Variants in SGCE observed in about 807,000 individuals in gnomAD.
The protein encoded by SGCE is epsilon-sarcoglycan.
A neutral mutation model predicts 57.8 loss-of-function variants in SGCE; 26 were observed. That is an observed-to-expected ratio of 0.45 (90% CI 0.33 to 0.62). The LOEUF (loss-of-function observed/expected upper bound fraction) is 0.62, where lower values mean the gene tolerates loss of function less well. SGCE is among the 20% of genes least tolerant of loss of function. The pLI, the probability that SGCE is intolerant of heterozygous loss-of-function variation, is 0.02. For synonymous variants in SGCE, 183 were observed against 189.5 expected (o/e 0.97, Z 0.28); for missense variants, 468 against 548.6 (o/e 0.85, Z 1.47).
intron 1 of SGCE, among the ~76,000 whole-genome samples, chr7:94,644,111 A>G (rs927986286): frequency 6.6e-6 from 1 of 152,244 alleles, no homozygotes; most frequent in African/African-American, 2.4e-5. Flanking sequence ...ACACAAAAAC[A>G]AAACATCATA....
chr7:94,630,850 C>T (rs1804590448), intron 1 of SGCE, among the ~76,000 whole-genome samples: 1 of 151,940 alleles, frequency 6.6e-6, no homozygotes, highest in Admixed American at 6.6e-5. Flanking sequence ...AGGCTGCTCA[C>T]TCCAAGCTCA....
intron 1 of SGCE, among the ~76,000 whole-genome samples, chr7:94,635,588 A>C (rs1461415148): frequency 1.3e-5 from 2 of 152,254 alleles, no homozygotes; most frequent in Admixed American, 6.5e-5. Context: ...CTGTCTCTGC[A>C]TCAAAAGAAC....
intron 3 of SGCE, chr7:94,627,998 T>C (rs1804006752): frequency 1.9e-6 from 1 of 525,424 alleles, no homozygotes; most frequent in Non-Finnish European, 3.4e-6. Context: ...TCATTTTTAA[T>C]ATAAAAGCTG....
At chr7:94,654,513 C>T (rs1273203782) in intron 1 of SGCE, among the ~76,000 whole-genome samples, 1 of 152,082 alleles carries the variant, frequency 6.6e-6, no homozygotes, top group Admixed American at 6.5e-5. Flanking sequence ...GGGTGAACAT[C>T]CTAAAGATTA....
chr7:94,590,871 A>C (rs1239690090), intron 9 of SGCE: 1 of 152,196 alleles, frequency 6.6e-6, no homozygotes, highest in Non-Finnish European at 1.5e-5. Context: ...CAAATACAAC[A>C]ATCTAAAGTG....
At chr7:94,621,336 G>A (rs949479560) in intron 4 of SGCE, 5 of 152,184 alleles carry the variant, frequency 3.3e-5, no homozygotes, top group African/African-American at 1.2e-4. Context: ...ACTGCCTGGA[G>A]TAAAGGTGGA....
Position 94,642,936 on chromosome 7 carries a change from G to A in SGCE, c.109+13054C>T, listed in dbSNP as rs560805557. Among the ~76,000 whole-genome samples the A allele has an allele frequency of 9.9e-5, 15 of 152,184 alleles. No homozygotes were observed. The South Asian group carries it at 1.2e-3, about 13-fold the overall frequency. On this transcript the variant is annotated intron_variant, in intron 1 of 10. Coordinates refer to ENST00000648936, the MANE Select transcript of SGCE (RefSeq NM_003919.3). The stretch of plus-strand genomic sequence containing the variant: ...CTATTAATGTGTCTGAAGATTATAG[G>A]GGCTTAATCTTAAAGCATAATGAAG...
chr7:94,629,494 G>A (rs984009031), intron 2 of SGCE: 30 of 445,784 alleles, frequency 6.7e-5, no homozygotes, highest in Non-Finnish European at 1.1e-4. Context: ...TAAAACTCAA[G>A]ACTGAGAATC....
chr7:94,630,188 A>C (rs1804467912), intron 1 of SGCE, among the ~76,000 whole-genome samples: 1 of 151,862 alleles, frequency 6.6e-6, no homozygotes, highest in Non-Finnish European at 1.5e-5. Context: ...AAAATACATC[A>C]TGAGAACTGA....
In SGCE at chr7:94,585,350, T is replaced by C; in HGVS notation, c.*149A>G. The stretch of plus-strand genomic sequence containing the variant: ...AAAAATACATTAGTAAAATGAAAGT[T>C]ATGTTGTATTATTTGGTATACACTT... On this transcript the variant is annotated 3_prime_UTR_variant, in exon 11 of 11. Transcript: ENST00000648936. 1 of 616,072 alleles carries C rather than the reference T, an allele frequency of 1.6e-6. No individual in the cohort carries two copies. Among genetic ancestry groups the C allele is most frequent in the Non-Finnish European group, 2.9e-6 (1 of 350,706 alleles). 38.2% of individuals were successfully genotyped at this position (616,072 alleles called of 1,614,324 possible).
chr7:94,646,610 A>G (rs527893555), intron 1 of SGCE, among the ~76,000 whole-genome samples: 31 of 152,338 alleles, frequency 2.0e-4, no homozygotes, highest in African/African-American at 7.0e-4. Context: ...GAAAAGCAGA[A>G]TACAAAACAG....
intron 1 of SGCE, among the ~76,000 whole-genome samples, chr7:94,631,958 C>T (rs1804789167): frequency 3.3e-5 from 5 of 151,902 alleles, no homozygotes; most frequent in South Asian, 4.2e-4. Flanking sequence ...GCTATTTTCT[C>T]GGCAGCTAGA....
intron 9 of SGCE, among the ~76,000 whole-genome samples, chr7:94,594,069 G>A (rs535673710): frequency 4.6e-5 from 7 of 152,096 alleles, no homozygotes; most frequent in South Asian, 2.1e-4. Context: ...CTCTCTTGAC[G>A]TTCCTTTGAT....
At chr7:94,629,691 T>G in intron 2 of SGCE, 28 bp downstream of exon 2, 1 of 1,609,324 alleles carries the variant, frequency 6.2e-7, no homozygotes, top group Non-Finnish European at 8.5e-7. Context: ...GTACGTTAAC[T>G]GCTTTTTTTT....
chr7:94,592,306 A>G (rs1278272469), intron 9 of SGCE, among the ~76,000 whole-genome samples: 1 of 152,224 alleles, frequency 6.6e-6, no homozygotes, highest in African/African-American at 2.4e-5. Context: ...GTTAAGATGC[A>G]GAGAATGCAG....
intron 9 of SGCE, chr7:94,597,519 A>G (rs771287943): frequency 6.6e-6 from 1 of 152,074 alleles, no homozygotes. Flanking sequence ...CTTTAATATT[A>G]TATCCTAAGG....
intron 8 of SGCE, 125 bp from the exon 9 acceptor site, chr7:94,599,088 G>A (rs982905561): frequency 2.7e-5 from 18 of 675,048 alleles, no homozygotes; most frequent in African/African-American, 2.4e-4. Context: ...GGCACTTTGG[G>A]CATTCAATAA....
intron 4 of SGCE, 49 bp downstream of exon 4, chr7:94,623,276 T>A: frequency 8.5e-7 from 1 of 1,177,872 alleles, no homozygotes; most frequent in East Asian, 2.5e-5. Flanking sequence ...TAAAACATAA[T>A]GAAATACTTC....
intron 7 of SGCE, chr7:94,600,025 T>C: frequency 3.5e-6 from 1 of 285,084 alleles, no homozygotes; most frequent in Non-Finnish European, 6.5e-6. Context: ...AAGAATTTGT[T>C]ACTTGCTGCT....
Sources: gnomAD v4.1 joint callset for allele counts (sites outside exome capture counted in the v4.1 genomes callset) on GRCh38, gnomAD v4.1.1 for gene constraint, MANE v1.5 for transcripts, NCBI Gene and HGNC (gene_info 2026-07-23, HGNC 2026-07-21) for gene names.